Variants in MECOM observed in about 807,000 individuals in gnomAD.
MECOM encodes histone-lysine N-methyltransferase MECOM.
MECOM carries 13 observed loss-of-function variants against 116.3 expected under a neutral mutation model. That is an observed-to-expected ratio of 0.11 (90% CI 0.07 to 0.18). MECOM has a LOEUF of 0.18. Among genes scored for constraint, MECOM ranks in the 10% least tolerant of loss-of-function variants. MECOM has a pLI of 1.00. For missense variants in MECOM, 1,299 were observed against 1,509.0 expected (o/e 0.86, Z 2.31); for synonymous variants, 528 against 535.2 (o/e 0.99, Z 0.19).
intron 12 of MECOM, among the ~76,000 whole-genome samples, chr3:169,098,813 C>A (rs1722575094): frequency 6.6e-6 from 1 of 152,016 alleles, no homozygotes; most frequent in African/African-American, 2.4e-5. Flanking sequence ...TAGGCATGAG[C>A]CACCACACTT....
chr3:169,554,253 A>C (rs11721172), intron 1 of MECOM, among the ~76,000 whole-genome samples: 33,158 of 152,074 alleles, frequency 0.22, 4,652 homozygotes, highest in East Asian at 0.7. Flanking sequence ...CAGAACTTAC[A>C]ACTGTACCAT....
At chr3:169,102,438 G>A (rs768980295) in intron 10 of MECOM, among the ~76,000 whole-genome samples, 7 of 152,148 alleles carry the variant, frequency 4.6e-5, no homozygotes, top group African/African-American at 9.7e-5. Context: ...AATGCTGAGC[G>A]AACTTTTTCC....
chr3:169,330,800 T>A (rs930891628), intron 2 of MECOM, among the ~76,000 whole-genome samples: 1 of 152,146 alleles, frequency 6.6e-6, no homozygotes, highest in African/African-American at 2.4e-5. Flanking sequence ...AGTAATATCT[T>A]CCATTATAAA....
intron 1 of MECOM, among the ~76,000 whole-genome samples, chr3:169,647,744 G>T (rs555493665): frequency 6.6e-6 from 1 of 152,064 alleles, no homozygotes; most frequent in African/African-American, 2.4e-5. Context: ...GCTGATAAAA[G>T]CTTATACATA....
intron 2 of MECOM, among the ~76,000 whole-genome samples, chr3:169,290,232 C>T (rs561551265): frequency 4.3e-4 from 65 of 152,138 alleles, no homozygotes; most frequent in Non-Finnish European, 8.8e-4. Flanking sequence ...ATGGGGCACA[C>T]TTGAGATATT....
At chr3:169,283,600 G>C (rs1712635306) in intron 2 of MECOM, among the ~76,000 whole-genome samples, 1 of 152,070 alleles carries the variant, frequency 6.6e-6, no homozygotes, top group Admixed American at 6.6e-5. Context: ...CTCATCTCCA[G>C]AATTTCTGGG....
chr3:169,411,531 C>T (rs1338740030), intron 1 of MECOM, among the ~76,000 whole-genome samples: 2 of 152,184 alleles, frequency 1.3e-5, no homozygotes, highest in African/African-American at 4.8e-5. Flanking sequence ...GAGATGTATG[C>T]TTGGTTTCCT....
At chr3:169,450,011 G>A (rs1410758718) in intron 1 of MECOM, among the ~76,000 whole-genome samples, 1 of 152,084 alleles carries the variant, frequency 6.6e-6, no homozygotes, top group Non-Finnish European at 1.5e-5. Context: ...CAACAATTTT[G>A]CTTTCTTTTA....
chr3:169,424,431 C>T (rs1740304622), intron 1 of MECOM, among the ~76,000 whole-genome samples: 1 of 152,116 alleles, frequency 6.6e-6, no homozygotes, highest in Non-Finnish European at 1.5e-5. Flanking sequence ...ACCATGACTT[C>T]CAGAACAAGT....
chr3:169,599,739 A>G (rs1365260555), intron 1 of MECOM, among the ~76,000 whole-genome samples: 2 of 152,196 alleles, frequency 1.3e-5, no homozygotes, highest in Non-Finnish European at 2.9e-5. Context: ...AAAAAGAGAA[A>G]GAATAAAAGG....
chr3:169,109,115 A>G (rs1029341971), intron 9 of MECOM, among the ~76,000 whole-genome samples: 1 of 152,220 alleles, frequency 6.6e-6, no homozygotes, highest in African/African-American at 2.4e-5. Flanking sequence ...GGAACAAACG[A>G]AATGGACATT....
chr3:169,451,907 G>T (rs995339228), intron 1 of MECOM, among the ~76,000 whole-genome samples: 1 of 151,918 alleles, frequency 6.6e-6, no homozygotes, highest in South Asian at 2.1e-4. Context: ...AAGCCCCACT[G>T]CTAACTGATA....
At chr3:169,577,859 C>T (rs563713449) in intron 1 of MECOM, among the ~76,000 whole-genome samples, 6 of 152,222 alleles carry the variant, frequency 3.9e-5, no homozygotes, top group Admixed American at 6.5e-5. Flanking sequence ...AGTCAGTTAA[C>T]GGAGCTCATT....
intron 4 of MECOM, among the ~76,000 whole-genome samples, chr3:169,130,331 C>T (rs1206922343): frequency 6.6e-6 from 1 of 152,072 alleles, no homozygotes; most frequent in Non-Finnish European, 1.5e-5. Flanking sequence ...GCCGAAGAGC[C>T]CTTTCCCATT....
intron 1 of MECOM, among the ~76,000 whole-genome samples, chr3:169,512,358 T>C (rs1385334776): frequency 6.6e-6 from 1 of 152,240 alleles, no homozygotes; most frequent in Non-Finnish European, 1.5e-5. Context: ...TGGACAACTC[T>C]GAATTGTTCA....
chr3:169,434,401 A>C (rs1308018283), intron 1 of MECOM, among the ~76,000 whole-genome samples: 1 of 150,920 alleles, frequency 6.6e-6, no homozygotes, highest in African/African-American at 2.4e-5. Flanking sequence ...CTTTGTAGAT[A>C]AGCACAGTGG....
Sources: gnomAD v4.1 joint callset for allele counts (sites outside exome capture counted in the v4.1 genomes callset) on GRCh38, gnomAD v4.1.1 for gene constraint, MANE v1.5 for transcripts, NCBI Gene and HGNC (gene_info 2026-07-23, HGNC 2026-07-21) for gene names.